The following TSPO variants were observed in gnomAD, a reference collection of about 807,000 sequenced individuals.
TSPO encodes translocator protein.
TSPO carries 14 observed loss-of-function variants against 13.9 expected under a neutral mutation model. The ratio of observed to expected loss-of-function variants is 1.01; its 90% CI spans 0.67 to 1.58. TSPO has a LOEUF of 1.58. Among genes scored for constraint, TSPO ranks in the 40% most tolerant of loss-of-function variants. The probability of loss-of-function intolerance (pLI) is 0.00; values close to 1 mark genes in which losing one functional copy is unlikely to be tolerated. For synonymous variants in TSPO, 114 were observed against 105.9 expected (o/e 1.08, Z -0.47); for missense variants, 232 against 229.6 (o/e 1.01, Z -0.07).
intron 2 of TSPO, among the ~76,000 whole-genome samples, chr22:43,160,356 C>A (rs1931396555): frequency 6.6e-6 from 1 of 152,188 alleles, no homozygotes; most frequent in South Asian, 2.1e-4. Context: ...CCCTGGCTGA[C>A]CAGACTTTAT....
Position 43,163,152 on chromosome 22 carries a change from C to T in TSPO, c.*161C>T, listed in dbSNP as rs112069650. On this transcript the variant is annotated 3_prime_UTR_variant, in exon 4 of 4. Coordinates refer to ENST00000337554, the MANE Select transcript of TSPO (RefSeq NM_000714.6). ...AGGTGGCCCCACCTGAGCCCCCACC[C>T]GGGAGCAGTGTCCTGTGCTTTCTGC... The T allele has an allele frequency of 3.5e-5, 51 of 1,462,150 alleles. No individual in the cohort carries two copies. In the African/African-American group the frequency reaches 4.1e-4, roughly 12 times the overall value. The allele number at this position is 1,462,150 out of a possible 1,614,324, so 90.6% of individuals were successfully genotyped here. A position where few individuals can be genotyped will look rare whatever the true frequency, so the allele number is the denominator to read the frequency against.
At chr22:43,153,234 G>A (rs1931144046) in intron 1 of TSPO, among the ~76,000 whole-genome samples, 1 of 151,028 alleles carries the variant, frequency 6.6e-6, no homozygotes. Context: ...GCTCACTGCA[G>A]TCTCCTGCAG....
At chr22:43,162,415 C>A (rs554005948) in intron 3 of TSPO, among the ~76,000 whole-genome samples, 12 of 152,330 alleles carry the variant, frequency 7.9e-5, no homozygotes, top group Admixed American at 7.2e-4. Context: ...AGCCACTGCA[C>A]CTGACAAATA....
chr22:43,155,228 C>G (rs6003079), intron 1 of TSPO, among the ~76,000 whole-genome samples: 5,427 of 152,230 alleles, frequency 0.036, 325 homozygotes, highest in African/African-American at 0.12. Flanking sequence ...CCATGGAGGC[C>G]GAGTGGGCCG....
intron 1 of TSPO, among the ~76,000 whole-genome samples, chr22:43,157,793 C>T (rs770467587): frequency 1.3e-5 from 2 of 152,172 alleles, no homozygotes; most frequent in African/African-American, 2.4e-5. Context: ...GCTGAGATCG[C>T]GCCATTGTAT....
intron 2 of TSPO, chr22:43,159,679 G>A (rs1601758263): frequency 1.2e-5 from 5 of 413,344 alleles, no homozygotes; most frequent in Non-Finnish European, 1.7e-5. Context: ...GGCAGAGGCC[G>A]GCTTAGTGTG....
At chr22:43,156,932 C>T (rs1456051956) in intron 1 of TSPO, among the ~76,000 whole-genome samples, 4 of 152,122 alleles carry the variant, frequency 2.6e-5, no homozygotes, top group African/African-American at 4.8e-5. Context: ...CACCCTGGTC[C>T]GGCTCGTTTC....
At chr22:43,161,410 T>C (rs1328317574) in intron 3 of TSPO, among the ~76,000 whole-genome samples, 3 of 151,432 alleles carry the variant, frequency 2.0e-5, no homozygotes, top group Non-Finnish European at 4.4e-5. Context: ...GGGGTGGGTT[T>C]GGGGGCCACT....
chr22:43,153,056 T>G (rs1931129101), intron 1 of TSPO, among the ~76,000 whole-genome samples: 1 of 146,544 alleles, frequency 6.8e-6, no homozygotes, highest in Non-Finnish European at 1.5e-5. Context: ...ACCCCTTCTT[T>G]CTCTTTCTTC....
intron 3 of TSPO, 73 bp from the exon 4 acceptor site, chr22:43,162,730 G>C: frequency 7.1e-7 from 1 of 1,415,938 alleles, no homozygotes; most frequent in Non-Finnish European, 9.5e-7. Context: ...AGTGGGAGTT[G>C]GGCAGTGGGA....
At chr22:43,151,949 G>A (rs532718233) in intron 1 of TSPO, 1 of 152,292 alleles carries the variant, frequency 6.6e-6, no homozygotes, top group African/African-American at 2.4e-5. Context: ...TGCCCATTCC[G>A]CGGATGGGCA....
chr22:43,157,256 T>C (rs1186150149), intron 1 of TSPO, among the ~76,000 whole-genome samples: 1 of 126,154 alleles, frequency 7.9e-6, no homozygotes, highest in Non-Finnish European at 1.6e-5. Context: ...TGAGCACGTG[T>C]ACCCTGGAAG....
At position 43,159,370 on chromosome 22, in the gene TSPO, G is replaced by A. The variant is rs751910716; in HGVS notation, c.132G>A (p.Pro44=). 13 of 1,543,908 alleles carry A rather than the reference G, an allele frequency of 8.4e-6. No individual in the cohort carries two copies. Among genetic ancestry groups the A allele is most frequent in the South Asian group, 4.8e-5 (4 of 83,540 alleles). Reference sequence around the variant, plus strand: ...GCCTGCAGAAGCCCTCGTGGCACCCGCCCCACTGGGTGCTGGGCCCTGTCT... The same window carrying A: ...GCCTGCAGAAGCCCTCGTGGCACCCACCCCACTGGGTGCTGGGCCCTGTCT... ...YAGLQKPSWH[P]PHWVLGPVWG... Residue 44 remains proline (P), a synonymous_variant, in exon 2 of 4, where the codon CCG becomes CCA. Coordinates refer to ENST00000337554, the MANE Select transcript of TSPO (RefSeq NM_000714.6).
chr22:43,153,196 C>G (rs1931142791), intron 1 of TSPO, among the ~76,000 whole-genome samples: 1 of 135,782 alleles, frequency 7.4e-6, no homozygotes, highest in African/African-American at 2.9e-5. Flanking sequence ...CTCTGGTATG[C>G]AGGCTGGAGT....
chr22:43,159,117 T>TG, intron 1 of TSPO, 93 bp from the exon 2 acceptor site: 1 of 1,016,832 alleles, frequency 9.8e-7, no homozygotes, highest in Non-Finnish European at 1.4e-6. Context: ...GGTTGATCTG[T>TG]GGGTGACAGG....
rs1421077117 is a variant in TSPO at position 43,163,140 on chromosome 22, T to TGAGCCCCCACCC, written c.*151_*162dup. ...GCAGAGCTTCAGAGGTGGCCCCACCTGAGCCCCCACCCGGGAGCAGTGTCC... is the reference window on the plus strand; with the variant it reads ...GCAGAGCTTCAGAGGTGGCCCCACCTGAGCCCCCACCCGAGCCCCCACCCGGGAGCAGTGTCC... On this transcript the variant is annotated 3_prime_UTR_variant, in exon 4 of 4. Coordinates refer to ENST00000337554, the MANE Select transcript of TSPO (RefSeq NM_000714.6). 4 of 1,470,274 alleles carry TGAGCCCCCACCC rather than the reference T, an allele frequency of 2.7e-6. No homozygotes were observed. The Admixed American group carries it at 9.7e-5, about 36-fold the overall frequency. The allele number at this position is 1,470,274 out of a possible 1,614,324, so 91.1% of individuals were successfully genotyped here. A position where few individuals can be genotyped will look rare whatever the true frequency, so the allele number is the denominator to read the frequency against.
In TSPO at chr22:43,159,562, G is replaced by T. The variant is rs1200931976; in HGVS notation, c.182+142G>T. Reference sequence around the variant, plus strand: ...CCATTTGGCAAGCCAGGGTGGGGAAGCTGTGGGCCTGTCGATTGCACAACT... The same window carrying T: ...CCATTTGGCAAGCCAGGGTGGGGAATCTGTGGGCCTGTCGATTGCACAACT... On this transcript the variant is annotated intron_variant, in intron 2 of 3. Coordinates refer to ENST00000337554, the MANE Select transcript of TSPO (RefSeq NM_000714.6). 5.1e-5 allele frequency: 47 copies of T among 915,620 alleles called. No homozygotes were observed. In the East Asian group the frequency reaches 1.4e-3, roughly 28 times the overall value. 56.7% of individuals were successfully genotyped at this position (915,620 alleles called of 1,614,324 possible). A position where few individuals can be genotyped will look rare whatever the true frequency, so the allele number is the denominator to read the frequency against.
intron 3 of TSPO, 125 bp from the exon 4 acceptor site, chr22:43,162,678 A>T: frequency 1.0e-6 from 1 of 975,054 alleles, no homozygotes. Context: ...AGGTCACTCA[A>T]GGGTGGAGTG....
At chr22:43,157,539 T>C (rs1404034094) in intron 1 of TSPO, among the ~76,000 whole-genome samples, 2 of 152,134 alleles carry the variant, frequency 1.3e-5, no homozygotes, top group East Asian at 3.9e-4. Flanking sequence ...ACTCTGTTCC[T>C]TTAAAACGTG....
Sources: gnomAD v4.1 joint callset for allele counts (sites outside exome capture counted in the v4.1 genomes callset) on GRCh38, gnomAD v4.1.1 for gene constraint, MANE v1.5 for transcripts, NCBI Gene and HGNC (gene_info 2026-07-23, HGNC 2026-07-21) for gene names.